Variants in GRIN2A observed in about 807,000 individuals in gnomAD.
The protein encoded by GRIN2A is glutamate ionotropic receptor NMDA type subunit 2A.
Under a neutral mutation model 113.4 loss-of-function variants are expected in GRIN2A, and 22 were observed. The ratio of observed to expected loss-of-function variants is 0.19; its 90% CI spans 0.14 to 0.28. The LOEUF is 0.28. Ranked by LOEUF, GRIN2A falls within the 10% of genes least tolerant of loss-of-function variation. The pLI is 1.00. For missense variants in GRIN2A, 1,502 were observed against 1,887.0 expected, an observed-to-expected ratio of 0.80 and a Z score of 3.78; for synonymous variants, 827 against 738.4, an observed-to-expected ratio of 1.12 and a Z score of -1.94.
intron 2 of GRIN2A, among the ~76,000 whole-genome samples, chr16:10,153,080 T>C (rs2049617332): frequency 6.6e-6 from 1 of 152,240 alleles, no homozygotes; most frequent in African/African-American, 2.4e-5. Flanking sequence ...TAATGTATAC[T>C]ATGGACTTTA....
At chr16:9,983,587 C>T (rs1017361922) in intron 2 of GRIN2A, among the ~76,000 whole-genome samples, 1 of 151,966 alleles carries the variant, frequency 6.6e-6, no homozygotes, top group Non-Finnish European at 1.5e-5. Context: ...CTACAGGCAC[C>T]CGCCACTATA....
intron 2 of GRIN2A, among the ~76,000 whole-genome samples, chr16:9,944,691 C>T (rs757984452): frequency 1.3e-5 from 2 of 152,084 alleles, no homozygotes; most frequent in African/African-American, 2.4e-5. Context: ...ACCGTGCCCT[C>T]CTGACTTCTG....
chr16:9,988,284 CGTGTGTGTGTGT>C lies in GRIN2A; in HGVS notation c.415-49745_415-49734del, dbSNP rs4031160. Among the ~76,000 whole-genome samples the C allele has an allele frequency of 2.7e-5, 4 of 146,940 alleles. No individual in the cohort carries two copies. The East Asian group carries it at 6.0e-4, about 22-fold the overall frequency. On this transcript the variant is annotated intron_variant, in intron 2 of 12. Coordinates refer to ENST00000330684, the MANE Select transcript of GRIN2A (RefSeq NM_001134407.3). The stretch of plus-strand genomic sequence containing the variant: ...ATCCATAGGGGTGTGTGTGTGTGTG[CGTGTGTGTGTGT>C]GTGTGTGTGTGTGACACAGAAAGAG...
intron 2 of GRIN2A, among the ~76,000 whole-genome samples, chr16:10,015,256 AAAAAAAAAAAAAAAAG>A (rs1208002895): frequency 6.1e-5 from 8 of 131,726 alleles, no homozygotes; most frequent in African/African-American, 2.4e-4. Flanking sequence ...TCATCTCAAA[AAAAAAAAAAAAAAAAG>A]AAAAAAAAAA....
chr16:9,809,020 C>G (rs1438096439), intron 10 of GRIN2A, among the ~76,000 whole-genome samples: 2 of 152,102 alleles, frequency 1.3e-5, no homozygotes, highest in Non-Finnish European at 2.9e-5. Flanking sequence ...AAATGGAAAG[C>G]TCTCCAAAAC....
At chr16:9,863,327 G>A (rs1174540434) in intron 4 of GRIN2A, among the ~76,000 whole-genome samples, 1 of 152,224 alleles carries the variant, frequency 6.6e-6, no homozygotes, top group East Asian at 1.9e-4. Context: ...TCCACTTTGG[G>A]AAGGGGCAAC....
At chr16:9,887,777 T>C (rs1027490128) in intron 4 of GRIN2A, among the ~76,000 whole-genome samples, 1 of 152,164 alleles carries the variant, frequency 6.6e-6, no homozygotes, top group African/African-American at 2.4e-5. Flanking sequence ...ACACAGTTTT[T>C]GGCCAGGCGC....
chr16:9,824,847 C>T (rs2042356620), intron 9 of GRIN2A, among the ~76,000 whole-genome samples: 1 of 152,078 alleles, frequency 6.6e-6, no homozygotes. Flanking sequence ...ACTAAAGAGT[C>T]ATGACCTACA....
At chr16:9,796,908 G>A (rs116978082) in intron 11 of GRIN2A, among the ~76,000 whole-genome samples, 1 of 152,356 alleles carries the variant, frequency 6.6e-6, no homozygotes, top group East Asian at 1.9e-4. Flanking sequence ...AACATGGCCA[G>A]TGATCTGAGG....
At chr16:9,877,370 T>A (rs1301178999) in intron 4 of GRIN2A, among the ~76,000 whole-genome samples, 3 of 152,090 alleles carry the variant, frequency 2.0e-5, no homozygotes, top group Admixed American at 6.5e-5. Context: ...AAATATTTTA[T>A]TTTTCCCCAA....
chr16:9,835,520 A>G (rs1259530604), intron 7 of GRIN2A, among the ~76,000 whole-genome samples: 1 of 152,208 alleles, frequency 6.6e-6, no homozygotes, highest in Admixed American at 6.5e-5. Flanking sequence ...ATCAACAGAA[A>G]ATAAATTTTA....
At chr16:10,005,181 A>G (rs557022794) in intron 2 of GRIN2A, among the ~76,000 whole-genome samples, 6 of 152,194 alleles carry the variant, frequency 3.9e-5, no homozygotes, top group Non-Finnish European at 7.3e-5. Flanking sequence ...CATCAAAGTA[A>G]TTAGTTTAAG....
At chr16:9,967,912 CAG>C (rs1179276322) in intron 2 of GRIN2A, among the ~76,000 whole-genome samples, 1 of 152,114 alleles carries the variant, frequency 6.6e-6, no homozygotes, top group African/African-American at 2.4e-5. Flanking sequence ...AATTTTAAAA[CAG>C]TATGAATTAT....
At chr16:9,769,167 G>T in intron 11 of GRIN2A, 78 bp from the exon 12 acceptor site, 1 of 1,109,352 alleles carries the variant, frequency 9.0e-7, no homozygotes, top group Non-Finnish European at 1.4e-6. Flanking sequence ...GTTTGGAACA[G>T]ACGATGTGCA....
At position 9,764,121 on chromosome 16, in the gene GRIN2A, C is replaced by G. The variant is rs571139331; in HGVS notation, c.3423G>C (p.Leu1141=). The change falls in exon 13 of 13, where the codon CTG becomes CTC. Residue 1141 remains leucine, a synonymous_variant. Coordinates refer to ENST00000330684, the MANE Select transcript of GRIN2A (RefSeq NM_001134407.3). ...DPPQFVENVT[L]PENVDFPDPY... is the part of the protein sequence containing the mutation. Reference sequence around the variant, plus strand: ...GGTCCGGGAAGTCCACGTTCTCGGGCAGGGTCACATTTTCAACAAACTGGG... The same window carrying G: ...GGTCCGGGAAGTCCACGTTCTCGGGGAGGGTCACATTTTCAACAAACTGGG... The G allele has an allele frequency of 6.2e-7, 1 of 1,613,704 alleles. No individual in the cohort carries two copies.
At chr16:9,805,092 A>C (rs1451744855) in intron 10 of GRIN2A, among the ~76,000 whole-genome samples, 6 of 152,030 alleles carry the variant, frequency 3.9e-5, no homozygotes, top group Non-Finnish European at 7.4e-5. Context: ...ATGGCCTTGA[A>C]AGTCCAATCC....
chr16:9,980,638 C>G (rs1400105781), intron 2 of GRIN2A, among the ~76,000 whole-genome samples: 1 of 151,980 alleles, frequency 6.6e-6, no homozygotes, highest in Non-Finnish European at 1.5e-5. Flanking sequence ...ACATATACAC[C>G]ATGGAATACT....
Position 10,098,791 on chromosome 16 carries a change from C to T in GRIN2A, c.414+81207G>A, listed in dbSNP as rs114800352. 9.6e-3 allele frequency among the ~76,000 whole-genome samples: 1,456 copies of T among 152,020 alleles called. 25 individuals carry two copies. The highest frequency in any genetic ancestry group is 0.033 in the African/African-American group (1,367 of 41,454). ...AAAGGCATAAGAATGACACAATGGA[C>T]GCTGGAAATTCAGGGGAAAGGGTGG... On this transcript the variant is annotated intron_variant, in intron 2 of 12. Coordinates refer to ENST00000330684, the MANE Select transcript of GRIN2A (RefSeq NM_001134407.3).
At chr16:10,136,652 G>C (rs1265374836) in intron 2 of GRIN2A, among the ~76,000 whole-genome samples, 1 of 152,108 alleles carries the variant, frequency 6.6e-6, no homozygotes, top group Non-Finnish European at 1.5e-5. Context: ...TATTTTGGAT[G>C]AATTTATCTG....
Sources: allele counts gnomAD v4.1 joint callset (sites outside exome capture counted in the v4.1 genomes callset), GRCh38; gene constraint gnomAD v4.1.1; transcripts MANE v1.5; gene names NCBI Gene and HGNC (gene_info 2026-07-23, HGNC 2026-07-21).